Variants in RAB3GAP2 observed in about 807,000 individuals in gnomAD.
RAB3GAP2 encodes RAB3 GTPase activating non-catalytic protein subunit 2, also known as rab3 GTPase-activating protein non-catalytic subunit.
A neutral mutation model predicts 185.3 loss-of-function variants in RAB3GAP2; 87 were observed. The ratio of observed to expected loss-of-function variants is 0.47; its 90% CI spans 0.39 to 0.56. RAB3GAP2 has a LOEUF of 0.56. Among genes scored for constraint, RAB3GAP2 ranks in the 20% least tolerant of loss-of-function variants. The probability of loss-of-function intolerance (pLI) is 0.00; values close to 1 mark genes in which losing one functional copy is unlikely to be tolerated. For synonymous variants in RAB3GAP2, 554 were observed against 576.1 expected (o/e 0.96, Z 0.55); for missense variants, 1,492 against 1,638.2 (o/e 0.91, Z 1.54).
intron 1 of RAB3GAP2, among the ~76,000 whole-genome samples, chr1:220,246,879 C>T (rs1223112100): frequency 1.3e-5 from 2 of 150,910 alleles, no homozygotes; most frequent in African/African-American, 4.9e-5. Context: ...ATGTAACTAA[C>T]CTGCACGATG....
chr1:220,211,185 CA>C, intron 4 of RAB3GAP2, 183 bp from the exon 5 acceptor site: 1 of 697,058 alleles, frequency 1.4e-6, no homozygotes, highest in Non-Finnish European at 2.6e-6. Context: ...TTCATTCACA[CA>C]AAATGTAATG....
intron 9 of RAB3GAP2, among the ~76,000 whole-genome samples, chr1:220,197,213 C>A (rs1658746042): frequency 6.6e-6 from 1 of 152,118 alleles, no homozygotes. Flanking sequence ...GTCTCAAACT[C>A]CTGACCTCAG....
chr1:220,210,620 G>C (rs1659063190), intron 6 of RAB3GAP2, 131 bp from the exon 7 acceptor site: 12 of 963,134 alleles, frequency 1.2e-5, no homozygotes, highest in Admixed American at 1.2e-4. Flanking sequence ...TCAGAATACA[G>C]CTCCTCTTCT....
At chr1:220,244,248 A>G (rs2814491) in intron 1 of RAB3GAP2, among the ~76,000 whole-genome samples, 144,904 of 152,294 alleles carry the variant, frequency 0.95, 69,013 homozygotes, top group East Asian at 1. Flanking sequence ...CAGTAGCACT[A>G]CTATACACCA....
intron 11 of RAB3GAP2, 46 bp from the exon 12 acceptor site, chr1:220,195,213 T>A: frequency 1.9e-6 from 3 of 1,607,394 alleles, no homozygotes; most frequent in Non-Finnish European, 2.6e-6. Flanking sequence ...CTTCCAGGGT[T>A]TTAAAGTGCA....
At chr1:220,211,248 A>G (rs1358383006) in intron 4 of RAB3GAP2, 5 of 640,824 alleles carry the variant, frequency 7.8e-6, no homozygotes, top group African/African-American at 5.4e-5. Flanking sequence ...CTGTATTGTC[A>G]TGAAAAACAT....
intron 2 of RAB3GAP2, among the ~76,000 whole-genome samples, chr1:220,229,933 A>T (rs1439381784): frequency 6.6e-6 from 1 of 152,202 alleles, no homozygotes; most frequent in Non-Finnish European, 1.5e-5. Flanking sequence ...GCAAATACTA[A>T]AAGTCTACCA....
Position 220,191,239 on chromosome 1 carries a change from A to G in RAB3GAP2, c.1316T>C (p.Leu439Pro). The G allele has an allele frequency of 6.2e-7, 1 of 1,613,610 alleles. No homozygotes were observed. Reference protein sequence around the residue: ...QIGWIQTVEDLHERVPEKADF... With the variant: ...QIGWIQTVEDPHERVPEKADF... ...TGCCTTTTCTGGCACTCTTTCATGG[A>G]GGTCCTCTACAGTTTGAATCCATCC... The change falls in exon 14 of 35, where the codon CTC becomes CCC. Residue 439 changes from leucine (L) to proline (P), a missense_variant. Coordinates refer to ENST00000358951, the MANE Select transcript of RAB3GAP2 (RefSeq NM_012414.4).
chr1:220,212,235 AGCAGAGAAGACAATGATT>A (rs886872360), intron 4 of RAB3GAP2, among the ~76,000 whole-genome samples: 4 of 152,232 alleles, frequency 2.6e-5, no homozygotes, highest in South Asian at 2.1e-4. Flanking sequence ...ATATCAGCAA[AGCAGAGAAGACAATGATT>A]GCCCTTGACT....
At chr1:220,215,039 G>T (rs1310024338) in intron 2 of RAB3GAP2, among the ~76,000 whole-genome samples, 1 of 145,358 alleles carries the variant, frequency 6.9e-6, no homozygotes, top group Non-Finnish European at 1.5e-5. Context: ...TCCACATGAA[G>T]TTTCTTTATT....
chr1:220,266,588 T>G, intron 1 of RAB3GAP2: 1 of 932,680 alleles, frequency 1.1e-6, no homozygotes, highest in Non-Finnish European at 1.7e-6. Context: ...AAACAAATAT[T>G]TCTTTTAGTG....
intron 8 of RAB3GAP2, among the ~76,000 whole-genome samples, chr1:220,205,010 GGTT>G (rs1658937891): frequency 6.6e-6 from 1 of 151,720 alleles, no homozygotes; most frequent in Admixed American, 6.6e-5. Flanking sequence ...TGGACATTTG[GGTT>G]GGTTCCAAGT....
chr1:220,153,401 T>C lies in RAB3GAP2; in HGVS notation c.3651A>G (p.Leu1217=), dbSNP rs891564987. 1.2e-6 allele frequency: 2 copies of C among 1,613,674 alleles called. No individual in the cohort carries two copies. The highest frequency in any genetic ancestry group is 1.7e-5 in the Admixed American group (1 of 60,018). ...GGACAGCTGCACTGACAACTTTCAA[T>C]AAGAACTTGAAAATGGAGAAAGAGA... ...PNFISVRQQF[L]LKVVSAAVQA... is the part of the protein sequence containing the mutation. The change falls in exon 33 of 35, where the codon TTA becomes TTG. Residue 1217 remains leucine, a synonymous_variant. Transcript: ENST00000358951.
intron 28 of RAB3GAP2, 84 bp from the exon 29 acceptor site, chr1:220,159,505 G>A (rs948609766): frequency 1.2e-5 from 13 of 1,072,478 alleles, no homozygotes; most frequent in Non-Finnish European, 1.5e-5. Context: ...AAAAGTAACC[G>A]AATTTAAAAA....
intron 1 of RAB3GAP2, among the ~76,000 whole-genome samples, chr1:220,233,679 A>C (rs1659541111): frequency 6.6e-6 from 1 of 152,036 alleles, no homozygotes; most frequent in Non-Finnish European, 1.5e-5. Flanking sequence ...TAAAAATTTA[A>C]TTTGAGGCAA....
At chr1:220,179,244 CAAAAAAAAA>C (rs71169437) in intron 21 of RAB3GAP2, among the ~76,000 whole-genome samples, 1,828 of 56,866 alleles carry the variant, frequency 0.032, 19 homozygotes, top group South Asian at 0.088. Flanking sequence ...GAGACTGTCT[CAAAAAAAAA>C]AAAAAAAAAA....
chr1:220,206,030 AG>A (rs1169086995), intron 7 of RAB3GAP2, 24 bp from the exon 8 acceptor site: 19 of 1,402,766 alleles, frequency 1.4e-5, no homozygotes, highest in Non-Finnish European at 1.8e-5. Context: ...AAAAAAAAAA[AG>A]TTCTTGAATA....
chr1:220,243,330 G>T (rs1328114814), intron 1 of RAB3GAP2, among the ~76,000 whole-genome samples: 1 of 149,812 alleles, frequency 6.7e-6, no homozygotes, highest in African/African-American at 2.5e-5. Flanking sequence ...CTCCAGCCTG[G>T]GTGACAGAGA....
intron 21 of RAB3GAP2, among the ~76,000 whole-genome samples, chr1:220,180,026 G>T (rs1049189535): frequency 6.6e-6 from 1 of 152,114 alleles, no homozygotes; most frequent in Non-Finnish European, 1.5e-5. Context: ...GCTGGGTGTG[G>T]TGGCGCATGC....
Sources: gnomAD v4.1 joint callset for allele counts (sites outside exome capture counted in the v4.1 genomes callset) on GRCh38, gnomAD v4.1.1 for gene constraint, MANE v1.5 for transcripts, NCBI Gene and HGNC (gene_info 2026-07-23, HGNC 2026-07-21) for gene names.